The following SLCO3A1 variants were observed in gnomAD, a reference collection of about 807,000 sequenced individuals.
SLCO3A1 encodes the protein PGE1 transporter.
SLCO3A1 carries 27 observed loss-of-function variants against 63.1 expected under a neutral mutation model. The observed-to-expected ratio is 0.43, with a 90% CI of 0.32 to 0.59. The LOEUF is 0.59. Ranked by LOEUF, SLCO3A1 falls within the 20% of genes least tolerant of loss-of-function variation. The pLI, the probability that SLCO3A1 is intolerant of heterozygous loss-of-function variation, is 0.09. For synonymous variants in SLCO3A1, 473 were observed against 409.9 expected, an observed-to-expected ratio of 1.15 and a Z score of -1.86; for missense variants, 773 against 945.8, an observed-to-expected ratio of 0.82 and a Z score of 2.40.
At position 92,048,949 on chromosome 15, in the gene SLCO3A1, T is replaced by C. The variant is rs142034174; in HGVS notation, c.647-45932T>C. Among the ~76,000 whole-genome samples, 508 of 152,298 alleles carry C rather than the reference T, an allele frequency of 3.3e-3. 3 individuals carry two copies. The highest frequency in any genetic ancestry group is 0.012 in the African/African-American group (486 of 41,554). On this transcript the variant is annotated intron_variant, in intron 2 of 9. Coordinates refer to ENST00000318445, the MANE Select transcript of SLCO3A1 (RefSeq NM_013272.4). ...TCACCAATGGTGACTCACTGAATGC[T>C]CACATAACTCCATGAAATGATTGGC...
chr15:92,144,849 A>G (rs565665928), intron 7 of SLCO3A1, among the ~76,000 whole-genome samples: 56 of 152,326 alleles, frequency 3.7e-4, no homozygotes, highest in African/African-American at 1.3e-3. Context: ...ACCCGTGCTC[A>G]TGAGTCTTGG....
intron 2 of SLCO3A1, among the ~76,000 whole-genome samples, chr15:92,023,377 T>A (rs1015373284): frequency 6.6e-6 from 1 of 152,240 alleles, no homozygotes; most frequent in Non-Finnish European, 1.5e-5. Context: ...TTGCATTTTT[T>A]AAATTATTCT....
chr15:91,983,794 G>T (rs905292748), intron 2 of SLCO3A1, among the ~76,000 whole-genome samples: 11 of 152,166 alleles, frequency 7.2e-5, no homozygotes, highest in Non-Finnish European at 1.2e-4. Context: ...AGGAAAGTTG[G>T]AATTCACAAA....
chr15:92,158,555 A>C (rs2048399620), intron 9 of SLCO3A1, among the ~76,000 whole-genome samples: 1 of 152,230 alleles, frequency 6.6e-6, no homozygotes. Context: ...ACTACTTAGC[A>C]TGACAGTTGC....
intron 2 of SLCO3A1, among the ~76,000 whole-genome samples, chr15:92,037,662 T>G (rs1320630557): frequency 6.6e-6 from 1 of 152,212 alleles, no homozygotes; most frequent in Non-Finnish European, 1.5e-5. Context: ...TTATCGTCAT[T>G]CATTCTTATT....
chr15:92,041,801 C>T (rs895007223), intron 2 of SLCO3A1, among the ~76,000 whole-genome samples: 8 of 152,144 alleles, frequency 5.3e-5, no homozygotes, highest in Admixed American at 2.6e-4. Flanking sequence ...ATTAGAAGCA[C>T]ATAAACACAG....
At chr15:91,984,449 A>T (rs1248486607) in intron 2 of SLCO3A1, among the ~76,000 whole-genome samples, 1 of 152,222 alleles carries the variant, frequency 6.6e-6, no homozygotes, top group Non-Finnish European at 1.5e-5. Context: ...CTGAGAGATA[A>T]GATGATGTAT....
At chr15:92,049,705 T>C (rs552880749) in intron 2 of SLCO3A1, among the ~76,000 whole-genome samples, 1 of 152,272 alleles carries the variant, frequency 6.6e-6, no homozygotes, top group South Asian at 2.1e-4. Flanking sequence ...CCAAACGCTG[T>C]TAGAGGTCTG....
chr15:91,887,524 A>C (rs766393239), intron 1 of SLCO3A1, among the ~76,000 whole-genome samples: 2 of 152,128 alleles, frequency 1.3e-5, no homozygotes, highest in Non-Finnish European at 2.9e-5. Flanking sequence ...AACAATGCTC[A>C]TTTTCATTGT....
chr15:92,164,076 A>G lies in SLCO3A1; in HGVS notation c.*941A>G, dbSNP rs951261627. The G allele has an allele frequency of 1.9e-5, 19 of 981,650 alleles. No homozygotes were observed. Among genetic ancestry groups the G allele is most frequent in the Non-Finnish European group, 2.2e-5 (18 of 826,574 alleles). 60.8% of individuals were successfully genotyped at this position (981,650 alleles called of 1,614,324 possible). ...ATCCATATGAATTTCAAACTGTTGT[A>G]TGTATAATCCTCTAATACTATTTTT... On this transcript the variant is annotated 3_prime_UTR_variant, in exon 10 of 10. Transcript: ENST00000318445.
chr15:91,990,054 A>G (rs2046106661), intron 2 of SLCO3A1, among the ~76,000 whole-genome samples: 1 of 152,150 alleles, frequency 6.6e-6, no homozygotes, highest in African/African-American at 2.4e-5. Context: ...ATTGCTTACC[A>G]CTTCTATCCT....
chr15:91,960,866 G>A (rs893902103), intron 2 of SLCO3A1, among the ~76,000 whole-genome samples: 2 of 152,190 alleles, frequency 1.3e-5, no homozygotes, highest in African/African-American at 2.4e-5. Context: ...ATGTTCCAAT[G>A]AGCATTTCCT....
chr15:92,159,829 C>T (rs1345244821), intron 9 of SLCO3A1, among the ~76,000 whole-genome samples: 1 of 152,134 alleles, frequency 6.6e-6, no homozygotes, highest in South Asian at 2.1e-4. Context: ...TAAGAATTCT[C>T]ACTCAGGTAC....
Position 92,151,193 on chromosome 15 carries a change from C to T in SLCO3A1, c.1753+179C>T, listed in dbSNP as rs999907324. 5 of 561,602 alleles carry T rather than the reference C, an allele frequency of 8.9e-6. No individual in the cohort carries two copies. The African/African-American group carries it at 9.5e-5, about 11-fold the overall frequency. The allele number at this position is 561,602 out of a possible 1,614,324, so 34.8% of individuals were successfully genotyped here. On this transcript the variant is annotated intron_variant, in intron 9 of 9. Transcript: ENST00000318445. ...GGTCAGAGATAAACTCAGACACTGC[C>T]TCGATATCACGAAGTTCTCATTTAT...
At chr15:91,994,243 T>A (rs1345407176) in intron 2 of SLCO3A1, among the ~76,000 whole-genome samples, 1 of 152,206 alleles carries the variant, frequency 6.6e-6, no homozygotes, top group South Asian at 2.1e-4. Context: ...TAACAACTCT[T>A]CAAAGTAGGT....
intron 2 of SLCO3A1, among the ~76,000 whole-genome samples, chr15:92,051,998 A>C (rs535278287): frequency 6.6e-6 from 1 of 152,302 alleles, no homozygotes; most frequent in South Asian, 2.1e-4. Flanking sequence ...CAAATGACAC[A>C]GCTTTTGAGT....
chr15:92,129,173 G>A (rs1309517683), intron 7 of SLCO3A1, among the ~76,000 whole-genome samples: 8 of 152,122 alleles, frequency 5.3e-5, no homozygotes, highest in African/African-American at 7.2e-5. Context: ...GCTTGGACCC[G>A]AGCAGTAGGT....
At chr15:91,864,934 G>A (rs1022503554) in intron 1 of SLCO3A1, among the ~76,000 whole-genome samples, 1 of 152,220 alleles carries the variant, frequency 6.6e-6, no homozygotes, top group Non-Finnish European at 1.5e-5. Flanking sequence ...GTCCCTGACA[G>A]GATGTCACAG....
chr15:92,127,545 G>A (rs902866631), intron 6 of SLCO3A1, among the ~76,000 whole-genome samples: 15 of 152,212 alleles, frequency 9.9e-5, no homozygotes, highest in Middle Eastern at 3.4e-3. Context: ...ATAAATTGCC[G>A]GGTGTCGCCA....
Sources: gnomAD v4.1 joint callset for allele counts (sites outside exome capture counted in the v4.1 genomes callset) on GRCh38, gnomAD v4.1.1 for gene constraint, MANE v1.5 for transcripts, NCBI Gene and HGNC (gene_info 2026-07-23, HGNC 2026-07-21) for gene names.